The following DLG2 variants were observed in gnomAD, a reference collection of about 807,000 sequenced individuals.
DLG2 encodes discs large MAGUK scaffold protein 2.
Under a neutral mutation model 132.5 loss-of-function variants are expected in DLG2, and 45 were observed. That is an observed-to-expected ratio of 0.34 (90% CI 0.27 to 0.44). The LOEUF (loss-of-function observed/expected upper bound fraction) is 0.44. Among genes scored for constraint, DLG2 ranks in the 20% least tolerant of loss-of-function variants. The pLI, the probability that DLG2 is intolerant of heterozygous loss-of-function variation, is 1.00. For synonymous variants in DLG2, 424 were observed against 419.6 expected (o/e 1.01, Z -0.13); for missense variants, 1,045 against 1,196.9 (o/e 0.87, Z 1.87).
intron 6 of DLG2, among the ~76,000 whole-genome samples, chr11:84,837,883 T>A (rs999276547): frequency 2.0e-5 from 3 of 151,702 alleles, no homozygotes; most frequent in Non-Finnish European, 2.9e-5. Flanking sequence ...CAAGAGCAAA[T>A]AACCTGGGAG....
chr11:85,096,446 C>T (rs556308565), intron 6 of DLG2, among the ~76,000 whole-genome samples: 4 of 151,758 alleles, frequency 2.6e-5, no homozygotes, highest in South Asian at 2.1e-4. Flanking sequence ...ACACTCACTG[C>T]AAAGGGCCGC....
rs1176873990 is a variant in DLG2, at chr11:84,252,140, CTTTTTTTTTT to C, written c.520-859_520-850del. Among the ~76,000 whole-genome samples, 6 of 65,338 alleles carry C rather than the reference CTTTTTTTTTT, an allele frequency of 9.2e-5. No homozygotes were observed. In the East Asian group the frequency reaches 1.4e-3, roughly 15 times the overall value. The allele number at this position is 65,338 out of a possible 152,430, so 42.9% of individuals were successfully genotyped here. Reference sequence around the variant, plus strand: ...GCTGTATCCTGTATTTTCTTTCTTTCTTTTTTTTTTTTTTTTTTTTTTTTTTTGAGATGAA... The same window carrying C: ...GCTGTATCCTGTATTTTCTTTCTTTCTTTTTTTTTTTTTTTTTGAGATGAA... On this transcript the variant is annotated intron_variant, in intron 7 of 27. Coordinates refer to ENST00000376104, the MANE Select transcript of DLG2 (RefSeq NM_001142699.3).
intron 19 of DLG2, among the ~76,000 whole-genome samples, chr11:83,614,747 C>T (rs1014330515): frequency 2.0e-5 from 3 of 152,076 alleles, no homozygotes; most frequent in Admixed American, 6.6e-5. Context: ...AACCAGATGC[C>T]GTCTTTAATT....
At chr11:84,414,338 C>T (rs1232347006) in intron 7 of DLG2, among the ~76,000 whole-genome samples, 3 of 152,120 alleles carry the variant, frequency 2.0e-5, no homozygotes, top group African/African-American at 7.2e-5. Context: ...ACTTGCTTGT[C>T]ACAGAAGACA....
At chr11:83,500,688 T>C (rs1484175812) in intron 21 of DLG2, among the ~76,000 whole-genome samples, 2 of 152,086 alleles carry the variant, frequency 1.3e-5, no homozygotes, top group African/African-American at 4.8e-5. Flanking sequence ...GTTATAATTA[T>C]TATTCCTTTA....
At chr11:83,531,751 C>T (rs1277306540) in intron 21 of DLG2, among the ~76,000 whole-genome samples, 1 of 152,002 alleles carries the variant, frequency 6.6e-6, no homozygotes, top group Non-Finnish European at 1.5e-5. Flanking sequence ...ATTGAAATGT[C>T]CATCAACTGA....
intron 11 of DLG2, among the ~76,000 whole-genome samples, chr11:84,001,356 G>T (rs1189407810): frequency 6.7e-6 from 1 of 148,382 alleles, no homozygotes; most frequent in East Asian, 2.0e-4. Flanking sequence ...AGAGAAATCA[G>T]AAAATTATAT....
intron 6 of DLG2, among the ~76,000 whole-genome samples, chr11:84,762,465 G>A (rs909894720): frequency 2.6e-5 from 4 of 152,302 alleles, no homozygotes; most frequent in East Asian, 1.9e-4. Context: ...AGGATTTAAA[G>A]CAGCTCCCAA....
intron 6 of DLG2, among the ~76,000 whole-genome samples, chr11:84,603,974 G>A (rs1421140900): frequency 1.3e-5 from 2 of 151,734 alleles, no homozygotes; most frequent in Non-Finnish European, 3.0e-5. Context: ...TTTTCTTAAA[G>A]AAATGATATC....
At chr11:85,052,992 A>G (rs1391106860) in intron 6 of DLG2, among the ~76,000 whole-genome samples, 6 of 152,120 alleles carry the variant, frequency 3.9e-5, no homozygotes, top group Non-Finnish European at 1.5e-5. Context: ...TTTCCACTAC[A>G]TTACGCTTTT....
At chr11:85,077,454 A>G (rs1182435661) in intron 6 of DLG2, among the ~76,000 whole-genome samples, 1 of 152,042 alleles carries the variant, frequency 6.6e-6, no homozygotes, top group African/African-American at 2.4e-5. Flanking sequence ...AAAATTTCCA[A>G]GTGCCTGCTT....
At chr11:85,173,938 T>C (rs983843580) in intron 4 of DLG2, among the ~76,000 whole-genome samples, 4 of 152,190 alleles carry the variant, frequency 2.6e-5, no homozygotes, top group Non-Finnish European at 5.9e-5. Flanking sequence ...TGAATATACA[T>C]GGACCAAATA....
intron 11 of DLG2, among the ~76,000 whole-genome samples, chr11:84,049,891 G>A (rs748720892): frequency 6.6e-6 from 1 of 151,786 alleles, no homozygotes; most frequent in South Asian, 2.1e-4. Context: ...GGCTCTTGGG[G>A]GATGGATATG....
intron 6 of DLG2, among the ~76,000 whole-genome samples, chr11:84,650,883 A>ATATATACATATATAC: frequency 7.2e-6 from 1 of 139,676 alleles, no homozygotes; most frequent in African/African-American, 2.8e-5. Flanking sequence ...GTATATATAT[A>ATATATACATATATAC]TATATATATA....
intron 4 of DLG2, among the ~76,000 whole-genome samples, chr11:85,161,354 C>A (rs2078014991): frequency 6.6e-6 from 1 of 152,212 alleles, no homozygotes; most frequent in Non-Finnish European, 1.5e-5. Context: ...CAAGGCTGAG[C>A]TGCCTGGTTA....
chr11:83,955,319 C>T (rs1360714182), intron 14 of DLG2, among the ~76,000 whole-genome samples: 4 of 152,308 alleles, frequency 2.6e-5, no homozygotes, highest in Non-Finnish European at 4.4e-5. Flanking sequence ...ACCCACACAC[C>T]TAATCACTCT....
chr11:83,962,446 G>C (rs987463232), intron 14 of DLG2, among the ~76,000 whole-genome samples: 1 of 151,924 alleles, frequency 6.6e-6, no homozygotes, highest in African/African-American at 2.4e-5. Context: ...CAAATGTAAT[G>C]ACCAGTTAAA....
chr11:84,685,169 T>C (rs1048010756), intron 6 of DLG2, among the ~76,000 whole-genome samples: 23 of 152,274 alleles, frequency 1.5e-4, no homozygotes, highest in Middle Eastern at 3.4e-3. Context: ...GGGCTATAAT[T>C]CCAGTTTTCT....
chr11:84,475,956 T>A (rs61897710), intron 7 of DLG2, among the ~76,000 whole-genome samples: 6,196 of 152,138 alleles, frequency 0.041, 151 homozygotes, highest in African/African-American at 0.06. Context: ...TTAAGTCCGA[T>A]TGTATACATC....
Sources: allele counts gnomAD v4.1 joint callset (sites outside exome capture counted in the v4.1 genomes callset), GRCh38; gene constraint gnomAD v4.1.1; transcripts MANE v1.5; gene names NCBI Gene and HGNC (gene_info 2026-07-23, HGNC 2026-07-21).